Variants in MKX observed in about 807,000 individuals in gnomAD.
The protein encoded by MKX is mohawk homeobox, also known as homeobox protein Mohawk.
A neutral mutation model predicts 36.0 loss-of-function variants in MKX; 13 were observed. The ratio of observed to expected loss-of-function variants is 0.36; its 90% CI spans 0.24 to 0.57. The LOEUF is 0.57. MKX is among the 20% of genes least tolerant of loss of function. The pLI, the probability that MKX is intolerant of heterozygous loss-of-function variation, is 0.79. For synonymous variants in MKX, 176 were observed against 178.3 expected, an observed-to-expected ratio of 0.99 and a Z score of 0.10; for missense variants, 458 against 456.4, an observed-to-expected ratio of 1.00 and a Z score of -0.03.
intron 5 of MKX, among the ~76,000 whole-genome samples, chr10:27,709,530 A>G (rs755703101): frequency 2.6e-5 from 4 of 152,230 alleles, no homozygotes; most frequent in Non-Finnish European, 5.9e-5. Flanking sequence ...GATTTCTGGT[A>G]GGACTGGTAA....
intron 5 of MKX, among the ~76,000 whole-genome samples, chr10:27,706,183 A>G (rs1356312355): frequency 6.6e-6 from 1 of 152,178 alleles, no homozygotes; most frequent in Non-Finnish European, 1.5e-5. Context: ...TTGAAAGTAT[A>G]TCTATGTTGT....
At chr10:27,703,711 C>T (rs901987062) in intron 5 of MKX, among the ~76,000 whole-genome samples, 1 of 151,984 alleles carries the variant, frequency 6.6e-6, no homozygotes, top group African/African-American at 2.4e-5. Flanking sequence ...CCAGCCTGGC[C>T]AACATGGTGA....
At chr10:27,733,952 C>T (rs974646909) in intron 5 of MKX, among the ~76,000 whole-genome samples, 1 of 152,042 alleles carries the variant, frequency 6.6e-6, no homozygotes, top group African/African-American at 2.4e-5. Flanking sequence ...AGCTTGACAC[C>T]CTATTAATTT....
At chr10:27,708,453 C>T (rs994992896) in intron 5 of MKX, among the ~76,000 whole-genome samples, 9 of 152,226 alleles carry the variant, frequency 5.9e-5, no homozygotes, top group African/African-American at 1.2e-4. Flanking sequence ...GACTATAGGC[C>T]GGGCGCGGTT....
chr10:27,686,560 T>C (rs1836358223), intron 5 of MKX, among the ~76,000 whole-genome samples: 1 of 151,796 alleles, frequency 6.6e-6, no homozygotes, highest in African/African-American at 2.4e-5. Flanking sequence ...CACTGCAACC[T>C]CTACCTCCTG....
intron 5 of MKX, among the ~76,000 whole-genome samples, chr10:27,717,544 GT>G (rs1445296800): frequency 6.6e-6 from 1 of 152,130 alleles, no homozygotes; most frequent in African/African-American, 2.4e-5. Context: ...AGCTGCAGAG[GT>G]TTCACTTAAT....
At chr10:27,694,544 A>G (rs1006079231) in intron 5 of MKX, among the ~76,000 whole-genome samples, 6 of 145,492 alleles carry the variant, frequency 4.1e-5, no homozygotes, top group Admixed American at 2.8e-4. Context: ...ATATATATAT[A>G]AATTAGCCGA....
At position 27,728,271 on chromosome 10, in the gene MKX, C is replaced by T. The variant is rs1834537658; in HGVS notation, c.838+6185G>A. On this transcript the variant is annotated intron_variant, in intron 5 of 6. Transcript: ENST00000419761. ...ACAAAAGCCCAAAAGAGAAACCGTG[C>T]GTGTGCACCGAGGCACTCACACAGG... Among the ~76,000 whole-genome samples, 4 of 152,322 alleles carry T rather than the reference C, an allele frequency of 2.6e-5. No homozygotes were observed. The South Asian group carries it at 6.2e-4, about 24-fold the overall frequency.
chr10:27,684,829 G>C (rs559271667), intron 5 of MKX, among the ~76,000 whole-genome samples: 1 of 152,212 alleles, frequency 6.6e-6, no homozygotes, highest in Non-Finnish European at 1.5e-5. Context: ...GAGATGAAAC[G>C]ATTCCACCTC....
chr10:27,689,974 C>A (rs1233256768), intron 5 of MKX, among the ~76,000 whole-genome samples: 1 of 152,168 alleles, frequency 6.6e-6, no homozygotes, highest in Non-Finnish European at 1.5e-5. Flanking sequence ...CTATTAAATA[C>A]ACACCTATTA....
chr10:27,679,809 T>C (rs905839965), intron 5 of MKX, among the ~76,000 whole-genome samples: 1 of 152,062 alleles, frequency 6.6e-6, no homozygotes, highest in South Asian at 2.1e-4. Flanking sequence ...GTATTAAGTG[T>C]TGTAATTTTT....
Position 27,701,620 on chromosome 10 carries a change from T to C in MKX, c.839-26066A>G, listed in dbSNP as rs554212198. Among the ~76,000 whole-genome samples the C allele has an allele frequency of 6.9e-5, 10 of 145,104 alleles. No individual in the cohort carries two copies. The South Asian group carries it at 1.9e-3, about 28-fold the overall frequency. On this transcript the variant is annotated intron_variant, in intron 5 of 6. Transcript: ENST00000419761. The stretch of plus-strand genomic sequence containing the variant: ...TTTTTAATATTAAAAATAATTAATA[T>C]TAAAATAATAATATATTTATATATT...
At chr10:27,695,791 A>G (rs1250032862) in intron 5 of MKX, among the ~76,000 whole-genome samples, 1 of 152,202 alleles carries the variant, frequency 6.6e-6, no homozygotes, top group Non-Finnish European at 1.5e-5. Context: ...AAAAACAGAA[A>G]GTGGGCCAGA....
At chr10:27,686,819 A>G (rs1836364383) in intron 5 of MKX, among the ~76,000 whole-genome samples, 1 of 151,980 alleles carries the variant, frequency 6.6e-6, no homozygotes. Context: ...TCCAGCCATG[A>G]CTTCCATATT....
intron 5 of MKX, among the ~76,000 whole-genome samples, chr10:27,711,896 A>G (rs1439732391): frequency 6.6e-6 from 1 of 151,992 alleles, no homozygotes; most frequent in Non-Finnish European, 1.5e-5. Flanking sequence ...TTCTTATAAA[A>G]CAGGTATCAT....
chr10:27,690,720 A>C (rs868122662), intron 5 of MKX, among the ~76,000 whole-genome samples: 18 of 152,126 alleles, frequency 1.2e-4, no homozygotes, highest in African/African-American at 4.1e-4. Context: ...CAGGGTGCAA[A>C]TCATCCTTTG....
chr10:27,743,252 A>C lies in MKX; in HGVS notation c.164T>G (p.Leu55Arg), dbSNP rs780594053. 3 of 1,535,200 alleles carry C rather than the reference A, an allele frequency of 2.0e-6. No homozygotes were observed. Among genetic ancestry groups the C allele is most frequent in the Admixed American group, 4.4e-5 (2 of 45,252 alleles). ...IPDGPPLKDN[L>R]GLRHRRTGAR... is the part of the protein sequence containing the mutation. ...CCCGGTCCTCCGGTGTCTCAGGCCG[A>C]GGTTGTCCTTGAGGGGCGGGCCGTC... Residue 55 changes from leucine (L) to arginine (R), a missense_variant, in exon 2 of 7, where the codon CTC becomes CGC. Physicochemically the swap from Leu to Arg is moderately radical, Grantham distance 102 (BLOSUM62 -2). Coordinates refer to ENST00000419761, the MANE Select transcript of MKX (RefSeq NM_173576.3).
chr10:27,732,775 T>C (rs942218559), intron 5 of MKX, among the ~76,000 whole-genome samples: 1 of 152,088 alleles, frequency 6.6e-6, no homozygotes, highest in African/African-American at 2.4e-5. Context: ...TGCAACAGGG[T>C]CTCCCTCTGT....
chr10:27,738,467 C>T (rs184660427), intron 3 of MKX, among the ~76,000 whole-genome samples: 82 of 152,054 alleles, frequency 5.4e-4, no homozygotes, highest in African/African-American at 1.8e-3. Context: ...AAACAGGTCT[C>T]CTTAACCAAG....
Sources: allele counts gnomAD v4.1 joint callset (sites outside exome capture counted in the v4.1 genomes callset), GRCh38; gene constraint gnomAD v4.1.1; transcripts MANE v1.5; gene names NCBI Gene and HGNC (gene_info 2026-07-23, HGNC 2026-07-21).